The following DTNB variants were observed in gnomAD, a reference collection of about 807,000 sequenced individuals.
DTNB encodes DTN-B.
Under a neutral mutation model 90.7 loss-of-function variants are expected in DTNB, and 63 were observed. That is an observed-to-expected ratio of 0.69 (90% CI 0.57 to 0.86). DTNB has a LOEUF of 0.86. Ranked by LOEUF, DTNB falls within the 40% of genes least tolerant of loss-of-function variation. The probability of loss-of-function intolerance (pLI) is 0.00; values close to 1 mark genes in which losing one functional copy is unlikely to be tolerated. For missense variants in DTNB, 744 were observed against 807.1 expected (o/e 0.92, Z 0.95); for synonymous variants, 277 against 286.7 (o/e 0.97, Z 0.34).
At chr2:25,409,227 T>TTTCATTCA (rs142975608) in intron 16 of DTNB, among the ~76,000 whole-genome samples, 30 of 152,248 alleles carry the variant, frequency 2.0e-4, no homozygotes, top group African/African-American at 7.2e-4. Flanking sequence ...CCCAACTGGA[T>TTTCATTCA]TTCATTCATT....
intron 1 of DTNB, among the ~76,000 whole-genome samples, chr2:25,661,289 A>AAAGTTGT (rs1367323469): frequency 6.6e-6 from 1 of 152,242 alleles, no homozygotes; most frequent in East Asian, 1.9e-4. Flanking sequence ...GAGATCGGCA[A>AAAGTTGT]TGCTTATAAC....
intron 8 of DTNB, among the ~76,000 whole-genome samples, chr2:25,547,782 T>C (rs1001274735): frequency 6.6e-6 from 1 of 152,234 alleles, no homozygotes; most frequent in African/African-American, 2.4e-5. Flanking sequence ...TGTGAAATAG[T>C]CGAGGCTTGA....
In DTNB at chr2:25,507,612, C is replaced by G. The variant is rs553118446; in HGVS notation, c.1001+23861G>C. 2.6e-5 allele frequency among the ~76,000 whole-genome samples: 4 copies of G among 152,300 alleles called. No individual in the cohort carries two copies. In the South Asian group the frequency reaches 8.3e-4, roughly 32 times the overall value. On this transcript the variant is annotated intron_variant, in intron 9 of 20. Transcript: ENST00000406818. ...TTATTACCTCTACTGTTATCCACCT[C>G]GTCCACCCAAGTCTTCCTCTCACCT...
intron 12 of DTNB, among the ~76,000 whole-genome samples, chr2:25,445,594 C>T (rs1384995737): frequency 1.3e-5 from 2 of 152,182 alleles, no homozygotes; most frequent in Admixed American, 6.5e-5. Context: ...CTGCATGAGC[C>T]CGCCTGTCTG....
intron 4 of DTNB, among the ~76,000 whole-genome samples, chr2:25,626,839 C>T (rs1559290152): frequency 6.6e-6 from 1 of 152,156 alleles, no homozygotes; most frequent in Admixed American, 6.5e-5. Context: ...CAGAGACAAT[C>T]CATTCAAATC....
At chr2:25,620,426 C>T (rs2072224579) in intron 4 of DTNB, among the ~76,000 whole-genome samples, 1 of 152,068 alleles carries the variant, frequency 6.6e-6, no homozygotes, top group Admixed American at 6.6e-5. Flanking sequence ...TACTACTTCT[C>T]TCTGTTTCAG....
At chr2:25,439,493 C>T (rs772013763) in intron 12 of DTNB, among the ~76,000 whole-genome samples, 9 of 152,096 alleles carry the variant, frequency 5.9e-5, no homozygotes, top group Non-Finnish European at 1.0e-4. Flanking sequence ...CAGAGTGAGA[C>T]CCCGTCTCAA....
chr2:25,520,117 C>T (rs978925919), intron 9 of DTNB, among the ~76,000 whole-genome samples: 1 of 152,194 alleles, frequency 6.6e-6, no homozygotes, highest in Non-Finnish European at 1.5e-5. Context: ...GGGGCAGTGG[C>T]TCTCGCCTGT....
chr2:25,662,047 TCGGGAGGC>T (rs1399064755), intron 1 of DTNB, among the ~76,000 whole-genome samples: 1 of 151,664 alleles, frequency 6.6e-6, no homozygotes, highest in African/African-American at 2.4e-5. Flanking sequence ...TCCCAGCTAC[TCGGGAGGC>T]TGAGGCAGGA....
chr2:25,382,708 T>C (rs940358838), intron 19 of DTNB, among the ~76,000 whole-genome samples: 2 of 151,908 alleles, frequency 1.3e-5, no homozygotes, highest in African/African-American at 4.8e-5. Context: ...TTTGTATTTT[T>C]AGTAGAGACA....
At chr2:25,464,879 G>A (rs1486421438) in intron 10 of DTNB, among the ~76,000 whole-genome samples, 1 of 152,052 alleles carries the variant, frequency 6.6e-6, no homozygotes, top group African/African-American at 2.4e-5. Context: ...TGAAAAATAA[G>A]GGAAGACTAA....
At chr2:25,643,279 CTGGGCA>C (rs1340772396) in intron 2 of DTNB, among the ~76,000 whole-genome samples, 1 of 152,140 alleles carries the variant, frequency 6.6e-6, no homozygotes, top group East Asian at 1.9e-4. Flanking sequence ...CCAACTCATC[CTGGGCA>C]TGGCTTCTCC....
intron 6 of DTNB, among the ~76,000 whole-genome samples, chr2:25,585,063 TTTTTA>T (rs983755288): frequency 3.3e-5 from 5 of 152,188 alleles, no homozygotes; most frequent in East Asian, 1.9e-4. Flanking sequence ...GTCCCCTATC[TTTTTA>T]TTTTGTTTTT....
chr2:25,529,169 A>C (rs957318421), intron 9 of DTNB, among the ~76,000 whole-genome samples: 4 of 152,240 alleles, frequency 2.6e-5, no homozygotes, highest in Admixed American at 2.0e-4. Flanking sequence ...ATTTGACCAA[A>C]GGAGCAGAAT....
intron 8 of DTNB, among the ~76,000 whole-genome samples, chr2:25,566,647 C>A (rs2059083391): frequency 6.6e-6 from 1 of 152,088 alleles, no homozygotes; most frequent in Non-Finnish European, 1.5e-5. Flanking sequence ...CCCTAATAGT[C>A]AACAGTCACC....
At chr2:25,637,497 T>C (rs2077366922) in intron 3 of DTNB, among the ~76,000 whole-genome samples, 1 of 151,978 alleles carries the variant, frequency 6.6e-6, no homozygotes, top group Non-Finnish European at 1.5e-5. Context: ...ACAAAGAACT[T>C]AAACAAATTT....
chr2:25,539,514 T>A (rs902274998), intron 8 of DTNB, among the ~76,000 whole-genome samples: 1 of 152,104 alleles, frequency 6.6e-6, no homozygotes, highest in Non-Finnish European at 1.5e-5. Context: ...TTATGGGCCA[T>A]TTGTGTTTCT....
intron 16 of DTNB, among the ~76,000 whole-genome samples, chr2:25,417,116 T>G (rs2048183660): frequency 6.6e-6 from 1 of 152,190 alleles, no homozygotes. Context: ...TCTTACCTCA[T>G]ACCATGGTGG....
At chr2:25,595,546 G>A (rs897967525) in intron 6 of DTNB, among the ~76,000 whole-genome samples, 2 of 152,064 alleles carry the variant, frequency 1.3e-5, no homozygotes, top group African/African-American at 2.4e-5. Flanking sequence ...AGGTGTAGAC[G>A]GTTCTCTGAA....
Sources: allele counts gnomAD v4.1 joint callset (sites outside exome capture counted in the v4.1 genomes callset), GRCh38; gene constraint gnomAD v4.1.1; transcripts MANE v1.5; gene names NCBI Gene and HGNC (gene_info 2026-07-23, HGNC 2026-07-21).